SLC24A3: variants seen among roughly 807,000 people sequenced by gnomAD.
The protein encoded by SLC24A3 is solute carrier family 24 member 3.
Under a neutral mutation model 75.8 loss-of-function variants are expected in SLC24A3, and 28 were observed. The ratio of observed to expected loss-of-function variants is 0.37; its 90% CI spans 0.27 to 0.51. SLC24A3 has a LOEUF of 0.51. SLC24A3 is among the 20% of genes least tolerant of loss of function. The probability of loss-of-function intolerance (pLI) is 0.94; values close to 1 mark genes in which losing one functional copy is unlikely to be tolerated. For synonymous variants in SLC24A3, 372 were observed against 334.1 expected (o/e 1.11, Z -1.24); for missense variants, 663 against 847.8 (o/e 0.78, Z 2.71).
At chr20:19,241,932 A>G (rs190986172) in intron 1 of SLC24A3, among the ~76,000 whole-genome samples, 11 of 152,322 alleles carry the variant, frequency 7.2e-5, no homozygotes, top group Admixed American at 3.9e-4. Context: ...ATGCTGAATA[A>G]TAAGTGAACT....
intron 3 of SLC24A3, among the ~76,000 whole-genome samples, chr20:19,518,665 C>A (rs961368583): frequency 2.6e-5 from 4 of 152,198 alleles, no homozygotes; most frequent in African/African-American, 9.6e-5. Flanking sequence ...CAGGACCTCA[C>A]ATGGGAGGCA....
intron 2 of SLC24A3, among the ~76,000 whole-genome samples, chr20:19,295,856 A>G (rs953958411): frequency 6.6e-6 from 1 of 151,942 alleles, no homozygotes; most frequent in Non-Finnish European, 1.5e-5. Flanking sequence ...TGGTATCAAG[A>G]TGATGCTGGC....
At chr20:19,308,172 A>G (rs1984375059) in intron 2 of SLC24A3, among the ~76,000 whole-genome samples, 1 of 152,152 alleles carries the variant, frequency 6.6e-6, no homozygotes, top group Non-Finnish European at 1.5e-5. Context: ...TATCATATTT[A>G]TCATATTTTA....
chr20:19,665,097 A>G (rs1332571183), intron 7 of SLC24A3, among the ~76,000 whole-genome samples: 2 of 152,190 alleles, frequency 1.3e-5, no homozygotes. Context: ...CCTGCCGTGT[A>G]TTCTCTCTGT....
intron 2 of SLC24A3, among the ~76,000 whole-genome samples, chr20:19,496,191 C>A (rs182536656): frequency 2.4e-4 from 37 of 152,268 alleles, no homozygotes; most frequent in Admixed American, 2.2e-3. Flanking sequence ...CCGCTTCTCA[C>A]TGATGATTTC....
chr20:19,424,761 A>C (rs28525637), intron 2 of SLC24A3, among the ~76,000 whole-genome samples: 27,359 of 143,174 alleles, frequency 0.19, 4,741 homozygotes, highest in East Asian at 0.77. Context: ...AAAAAAAAAA[A>C]AAAAAAAAAA....
At chr20:19,671,634 T>TG (rs2032468101) in intron 8 of SLC24A3, among the ~76,000 whole-genome samples, 3 of 142,782 alleles carry the variant, frequency 2.1e-5, no homozygotes, top group Admixed American at 2.1e-4. Context: ...AGCCCAGGGT[T>TG]GGTTTTTTTT....
At chr20:19,567,482 A>G (rs1028655181) in intron 3 of SLC24A3, among the ~76,000 whole-genome samples, 1 of 152,188 alleles carries the variant, frequency 6.6e-6, no homozygotes, top group Non-Finnish European at 1.5e-5. Flanking sequence ...AAAGCTGGGA[A>G]CAACAGACAC....
intron 2 of SLC24A3, among the ~76,000 whole-genome samples, chr20:19,508,277 C>T (rs903386498): frequency 6.6e-6 from 1 of 152,144 alleles, no homozygotes; most frequent in Non-Finnish European, 1.5e-5. Flanking sequence ...TCCTTCGGTG[C>T]AATTCCTGAG....
At chr20:19,498,001 G>A (rs534718552) in intron 2 of SLC24A3, among the ~76,000 whole-genome samples, 3 of 152,084 alleles carry the variant, frequency 2.0e-5, no homozygotes, top group East Asian at 1.9e-4. Context: ...CACGGCTCAC[G>A]TTAATACCTG....
In SLC24A3 at chr20:19,471,661, AT is replaced by A. The variant is rs895223616; in HGVS notation, c.272-43826del. 2.6e-5 allele frequency among the ~76,000 whole-genome samples: 3 copies of A among 116,530 alleles called. No individual in the cohort carries two copies. In the South Asian group the frequency reaches 8.3e-4, roughly 32 times the overall value. 76.4% of individuals were successfully genotyped at this position (116,530 alleles called of 152,430 possible). ...CTTGGCCCTCAGAAGCTGGTTCAGG[AT>A]GGCTTAGCCCATCACTCTGTCGGGG... On this transcript the variant is annotated intron_variant, in intron 2 of 16. Coordinates refer to ENST00000328041, the MANE Select transcript of SLC24A3 (RefSeq NM_020689.4).
At chr20:19,403,008 A>G (rs1443922297) in intron 2 of SLC24A3, among the ~76,000 whole-genome samples, 1 of 152,218 alleles carries the variant, frequency 6.6e-6, no homozygotes, top group African/African-American at 2.4e-5. Context: ...ATTATAATTA[A>G]CCATGTGTAG....
chr20:19,486,678 C>A (rs1192706261), intron 2 of SLC24A3, among the ~76,000 whole-genome samples: 3 of 152,178 alleles, frequency 2.0e-5, no homozygotes, highest in African/African-American at 7.2e-5. Context: ...TTATTTTTGT[C>A]TCCTGTTTTA....
intron 8 of SLC24A3, among the ~76,000 whole-genome samples, chr20:19,671,350 A>C (rs1030248408): frequency 1.3e-5 from 2 of 152,242 alleles, no homozygotes; most frequent in Admixed American, 1.3e-4. Flanking sequence ...AGGAAAAAGG[A>C]AACTTTCATT....
At chr20:19,660,980 G>T (rs1184529133) in intron 7 of SLC24A3, among the ~76,000 whole-genome samples, 2 of 152,112 alleles carry the variant, frequency 1.3e-5, no homozygotes, top group Non-Finnish European at 2.9e-5. Flanking sequence ...ATGACACTGG[G>T]TAAACTAGGA....
chr20:19,493,409 A>G (rs1488575567), intron 2 of SLC24A3, among the ~76,000 whole-genome samples: 1 of 152,210 alleles, frequency 6.6e-6, no homozygotes, highest in Admixed American at 6.5e-5. Context: ...CTATTTATTT[A>G]CTGATGAATG....
intron 1 of SLC24A3, among the ~76,000 whole-genome samples, chr20:19,268,495 C>A (rs568161281): frequency 1.1e-4 from 16 of 152,158 alleles, no homozygotes; most frequent in Non-Finnish European, 2.1e-4. Flanking sequence ...ACGCAAAGGA[C>A]CTTAGAGGTC....
At chr20:19,659,743 C>T (rs1207523799) in intron 7 of SLC24A3, among the ~76,000 whole-genome samples, 1 of 152,060 alleles carries the variant, frequency 6.6e-6, no homozygotes, top group Non-Finnish European at 1.5e-5. Flanking sequence ...AGCTCTACTG[C>T]CCCAATATAG....
At chr20:19,597,334 C>T (rs2031464645) in intron 6 of SLC24A3, among the ~76,000 whole-genome samples, 1 of 152,072 alleles carries the variant, frequency 6.6e-6, no homozygotes, top group African/African-American at 2.4e-5. Flanking sequence ...CTGCAGTGAG[C>T]TTTGATCACA....
Sources: allele counts gnomAD v4.1 joint callset (sites outside exome capture counted in the v4.1 genomes callset), GRCh38; gene constraint gnomAD v4.1.1; transcripts MANE v1.5; gene names NCBI Gene and HGNC (gene_info 2026-07-23, HGNC 2026-07-21).